Variants in SULT1A1 observed in about 807,000 individuals in gnomAD.
SULT1A1 encodes sulfotransferase 1A1.
SULT1A1 carries 35 observed loss-of-function variants against 36.8 expected under a neutral mutation model. That is an observed-to-expected ratio of 0.95 (90% CI 0.73 to 1.26). The LOEUF (loss-of-function observed/expected upper bound fraction) is 1.26, where lower values mean the gene tolerates loss of function less well. Among genes scored for constraint, SULT1A1 ranks in the 50% most tolerant of loss-of-function variants. SULT1A1 has a pLI of 0.00. For synonymous variants in SULT1A1, 119 were observed against 146.0 expected (o/e 0.82, Z 1.33); for missense variants, 309 against 383.0 (o/e 0.81, Z 1.61).
rs2047624339 is a variant in SULT1A1, at chr16:28,620,207, C to T, written c.68-74G>A. On this transcript the variant is annotated intron_variant, in intron 1 of 5. Transcript: ENST00000350842. ...GTATAACAGTTCATGTTTAAGTTTA[C>T]CATTCCAAAATGCAAAGTAACCATC... 4 of 1,449,480 alleles carry T rather than the reference C, an allele frequency of 2.8e-6. No individual in the cohort carries two copies. In the African/African-American group the frequency reaches 5.6e-5, roughly 20 times the overall value. The allele number at this position is 1,449,480 out of a possible 1,614,324, so 89.8% of individuals were successfully genotyped here. A position where few individuals can be genotyped will look rare whatever the true frequency, so the allele number is the denominator to read the frequency against.
At chr16:28,622,848 G>A (rs1169485618) in intron 1 of SULT1A1, among the ~76,000 whole-genome samples, 1 of 152,014 alleles carries the variant, frequency 6.6e-6, no homozygotes, top group African/African-American at 2.4e-5. Flanking sequence ...TCTGAGCCCC[G>A]ACCCTAGTCC....
chr16:28,617,021 T>C (rs2047560564), intron 2 of SULT1A1, among the ~76,000 whole-genome samples: 2 of 152,078 alleles, frequency 1.3e-5, no homozygotes, highest in Non-Finnish European at 2.9e-5. Context: ...TTTTATTTTT[T>C]ATTTTTTATT....
chr16:28,616,106 A>G (rs2047541592), intron 2 of SULT1A1, among the ~76,000 whole-genome samples: 1 of 152,178 alleles, frequency 6.6e-6, no homozygotes, highest in South Asian at 2.1e-4. Context: ...CTGTCCAGGC[A>G]TAACAGAAGG....
chr16:28,621,001 T>C (rs2047641229), intron 1 of SULT1A1, among the ~76,000 whole-genome samples: 1 of 151,922 alleles, frequency 6.6e-6, no homozygotes, highest in Admixed American at 6.6e-5. Flanking sequence ...TCCCAGCTTC[T>C]CGAGAAGCTG....
Position 28,608,804 on chromosome 16 carries a change from C to A in SULT1A1, c.52G>T (p.Val18Phe), listed in dbSNP as rs768843998. Residue 18 changes from valine (V) to phenylalanine (F), a missense_variant, in exon 2 of 8, where the codon GTC (valine) becomes TTC (phenylalanine). By Grantham distance (50) the Val-to-Phe change is conservative. This residue lies in a region of SULT1A1 where 23 missense variants were observed against 45.7 expected (regional missense o/e 0.50). Transcript: ENST00000314752. The part of the protein sequence containing the change: ...SRPPLEYVKG[V>F]PLIKYFAEAL... ...TCTGCAAAGTACTTGATGAGCGGGACCCCCTTCACGTACTCCAGTGGCGGG... is the reference window on the plus strand; with the variant it reads ...TCTGCAAAGTACTTGATGAGCGGGAACCCCTTCACGTACTCCAGTGGCGGG... 5 of 1,611,928 alleles carry A rather than the reference C, an allele frequency of 3.1e-6. No homozygotes were observed. The South Asian group carries it at 4.4e-5, about 14-fold the overall frequency.
chr16:28,609,805 G>C, intron 1 of SULT1A1, 126 bp downstream of exon 1: 1 of 1,050,906 alleles, frequency 9.5e-7, no homozygotes, highest in Non-Finnish European at 1.2e-6. Context: ...ACGCAGGCCA[G>C]GGTTGTCTGA....
exon 1 of SULT1A1, chr16:28,623,363 CGAGCTACGGCACGCTCGTAGAGCGTA>C (rs1405193882): frequency 3.4e-6 from 5 of 1,485,962 alleles, no homozygotes; most frequent in African/African-American, 1.4e-5. Flanking sequence ...CGGAGACGAG[CGAGCTACGGCACGCTCGTAGAGCGTA>C]GAGCTACGTT....
intron 4 of SULT1A1, 93 bp from the exon 5 acceptor site, chr16:28,607,170 G>T (rs2047235990): frequency 6.4e-7 from 1 of 1,571,540 alleles, no homozygotes; most frequent in Non-Finnish European, 8.7e-7. Flanking sequence ...GGAACCTGAG[G>T]CTTAGAGGCT....
At chr16:28,621,820 TG>T (rs2047662376) in intron 1 of SULT1A1, among the ~76,000 whole-genome samples, 1 of 152,118 alleles carries the variant, frequency 6.6e-6, no homozygotes, top group African/African-American at 2.4e-5. Flanking sequence ...ATTGCAATGA[TG>T]ATAGAGGCCA....
At chr16:28,619,713 CT>C (rs1481231787) in intron 2 of SULT1A1, among the ~76,000 whole-genome samples, 1 of 128,104 alleles carries the variant, frequency 7.8e-6, no homozygotes, top group Non-Finnish European at 1.6e-5. Flanking sequence ...GAATGAGACC[CT>C]GTCTCAAAAA....
chr16:28,617,504 C>G (rs1411264399), intron 2 of SULT1A1, among the ~76,000 whole-genome samples: 1 of 152,034 alleles, frequency 6.6e-6, no homozygotes, highest in Non-Finnish European at 1.5e-5. Flanking sequence ...CTTCCACTAA[C>G]ACCTAGGACA....
upstream of SULT1A1, chr16:28,610,540 G>C: frequency 3.5e-6 from 1 of 285,828 alleles, no homozygotes; most frequent in Non-Finnish European, 6.9e-6. Context: ...CACAAGGCCA[G>C]TCTAGAGGGA....
At chr16:28,623,155 T>C (rs2151729006) in exon 1 of SULT1A1, 2 of 1,349,534 alleles carry the variant, frequency 1.5e-6, no homozygotes, top group Non-Finnish European at 2.0e-6. Context: ...GAGACCGCGA[T>C]GGGCGCACCG....
At chr16:28,609,474 A>C in intron 1 of SULT1A1, 1 of 1,179,470 alleles carries the variant, frequency 8.5e-7, no homozygotes, top group Non-Finnish European at 1.1e-6. Flanking sequence ...GACTCAGCAA[A>C]AGCACAGGCC....
chr16:28,607,963 C>T (rs2047282548), intron 4 of SULT1A1: 2 of 168,802 alleles, frequency 1.2e-5, no homozygotes, highest in African/African-American at 4.7e-5. Context: ...CCACAGGTGC[C>T]ACAGTTTTAT....
At chr16:28,623,110 GTTCC>G in intron 1 of SULT1A1, 1 of 1,511,710 alleles carries the variant, frequency 6.6e-7, no homozygotes, top group Non-Finnish European at 8.9e-7. Context: ...CACCCCCCAG[GTTCC>G]CCCCCCGGCC....
intron 2 of SULT1A1, among the ~76,000 whole-genome samples, chr16:28,616,536 C>T (rs1379044762): frequency 1.3e-5 from 2 of 152,126 alleles, no homozygotes; most frequent in Admixed American, 6.5e-5. Flanking sequence ...GATCTGCTCA[C>T]CTCGGCCTCT....
At chr16:28,621,830 C>T (rs1030706875) in intron 1 of SULT1A1, among the ~76,000 whole-genome samples, 1 of 152,156 alleles carries the variant, frequency 6.6e-6, no homozygotes, top group African/African-American at 2.4e-5. Flanking sequence ...TGATAGAGGC[C>T]ACAGGGACCC....
At chr16:28,611,292 A>C, upstream of SULT1A1, 1 of 152,150 alleles carries the variant, frequency 6.6e-6, no homozygotes, top group East Asian at 1.9e-4. Context: ...AACTTGAAAT[A>C]GCTGCATGCG....
Sources: allele counts gnomAD v4.1 joint callset (sites outside exome capture counted in the v4.1 genomes callset), GRCh38; gene constraint gnomAD v4.1.1; regional missense constraint gnomAD v4.1.1; transcripts MANE v1.5; gene names NCBI Gene and HGNC (gene_info 2026-07-23, HGNC 2026-07-21).